The following DNAAF11 variants were observed in gnomAD, a reference collection of about 807,000 sequenced individuals.
DNAAF11 encodes leucine rich repeat containing 6.
Under a neutral mutation model 60.8 loss-of-function variants are expected in DNAAF11, and 45 were observed. The ratio of observed to expected loss-of-function variants is 0.74; its 90% CI spans 0.58 to 0.95. The LOEUF is 0.95. Among genes scored for constraint, DNAAF11 ranks in the 40% least tolerant of loss-of-function variants. The probability of loss-of-function intolerance (pLI) is 0.00; values close to 1 mark genes in which losing one functional copy is unlikely to be tolerated. For missense variants in DNAAF11, 546 were observed against 546.2 expected, an observed-to-expected ratio of 1.00 and a Z score of 0.00; for synonymous variants, 191 against 183.5, an observed-to-expected ratio of 1.04 and a Z score of -0.33.
intron 5 of DNAAF11, among the ~76,000 whole-genome samples, chr8:132,627,390 G>A (rs1481258968): frequency 6.6e-6 from 1 of 152,160 alleles, no homozygotes. Flanking sequence ...ACTGGTTGAT[G>A]AAACAGAGTG....
chr8:132,687,427 T>C, the DNAAF11 span: 1 of 336,136 alleles, frequency 3.0e-6, no homozygotes, highest in African/African-American at 2.2e-5. Context: ...GAAGTCATAA[T>C]TATCCTGCTC....
At chr8:132,628,411 CAA>C (rs879518179) in intron 5 of DNAAF11, among the ~76,000 whole-genome samples, 2 of 141,350 alleles carry the variant, frequency 1.4e-5, no homozygotes, top group Non-Finnish European at 3.1e-5. Context: ...GACTCCATCT[CAA>C]AAAAAAAAAA....
upstream of DNAAF11, among the ~76,000 whole-genome samples, chr8:132,675,927 C>A (rs982332495): frequency 5.3e-5 from 8 of 152,228 alleles, no homozygotes; most frequent in Admixed American, 3.9e-4. Context: ...TGGCCCCCAA[C>A]TCTACCAGCG....
the DNAAF11 span, among the ~76,000 whole-genome samples, chr8:132,685,505 T>G: frequency 7.2e-5 from 11 of 152,226 alleles, no homozygotes; most frequent in African/African-American, 2.4e-4. Flanking sequence ...GTCGTCTTCT[T>G]TGATTTGAGT....
In DNAAF11 at chr8:132,611,381, G is replaced by C. The variant is rs1490613107; in HGVS notation, c.975-18C>G. 1 of 1,460,860 alleles carries C rather than the reference G, an allele frequency of 6.8e-7. No homozygotes were observed. 90.5% of individuals were successfully genotyped at this position (1,460,860 alleles called of 1,614,324 possible). On this transcript the variant is annotated intron_variant, in intron 8 of 11. Coordinates refer to ENST00000620350, the MANE Select transcript of DNAAF11 (RefSeq NM_012472.6). ...CCATATACCTTCAAAATTAAACACA[G>C]AAAATCTTATAATTTTAAAAAATAT...
Position 132,668,597 on chromosome 8 carries a change from C to T in DNAAF11, c.10+6887G>A, listed in dbSNP as rs571920005. On this transcript the variant is annotated intron_variant, in intron 1 of 11. Transcript: ENST00000620350. ...GGGACTACAGGCACCTGCCACCACG[C>T]CTGGCTAATTTTTTTTTTGTATTTT... Among the ~76,000 whole-genome samples the T allele has an allele frequency of 6.6e-5, 10 of 152,194 alleles. No individual in the cohort carries two copies. In the South Asian group the frequency reaches 1.7e-3, roughly 25 times the overall value.
chr8:132,657,911 C>G (rs558221278), intron 2 of DNAAF11, among the ~76,000 whole-genome samples: 14 of 152,274 alleles, frequency 9.2e-5, no homozygotes, highest in African/African-American at 3.4e-4. Flanking sequence ...ACTCCAGAAC[C>G]TGGAACTAAA....
chr8:132,658,467 C>T lies in DNAAF11; in HGVS notation c.179-1560G>A, dbSNP rs1420277520. ...CCTCCTGAGTAGCTGGGACTACAGG[C>T]GCCCGCCACCACGCCTGGCTAATTT... On this transcript the variant is annotated intron_variant, in intron 2 of 11. Coordinates refer to ENST00000620350, the MANE Select transcript of DNAAF11 (RefSeq NM_012472.6). Among the ~76,000 whole-genome samples the T allele has an allele frequency of 3.9e-5, 6 of 152,142 alleles. No individual in the cohort carries two copies. In the East Asian group the frequency reaches 1.2e-3, roughly 30 times the overall value.
At chr8:132,620,502 T>C (rs1819647764) in intron 7 of DNAAF11, among the ~76,000 whole-genome samples, 1 of 152,062 alleles carries the variant, frequency 6.6e-6, no homozygotes, top group Non-Finnish European at 1.5e-5. Flanking sequence ...TCCTGGCTAA[T>C]TTTTGTATTT....
At chr8:132,653,901 T>C (rs1823274910) in intron 3 of DNAAF11, among the ~76,000 whole-genome samples, 1 of 152,058 alleles carries the variant, frequency 6.6e-6, no homozygotes, top group Non-Finnish European at 1.5e-5. Flanking sequence ...CAGACACAAA[T>C]TCTGCCTTAT....
the DNAAF11 span, among the ~76,000 whole-genome samples, chr8:132,684,760 G>T: frequency 1.4e-4 from 21 of 152,346 alleles, no homozygotes; most frequent in Admixed American, 9.1e-4. Context: ...ATTCATGTGA[G>T]CTCCCCAGTA....
intron 5 of DNAAF11, among the ~76,000 whole-genome samples, chr8:132,630,661 G>C (rs986637204): frequency 6.4e-4 from 97 of 152,020 alleles, no homozygotes; most frequent in African/African-American, 2.2e-3. Context: ...TTTGTATCCA[G>C]AATCTAAAAG....
At chr8:132,673,070 G>A (rs1048138750) in intron 1 of DNAAF11, among the ~76,000 whole-genome samples, 10 of 152,158 alleles carry the variant, frequency 6.6e-5, no homozygotes, top group African/African-American at 1.7e-4. Context: ...AAGCACGGGG[G>A]AGAGAGAACA....
chr8:132,676,774 G>A (rs1457608306), upstream of DNAAF11, among the ~76,000 whole-genome samples: 2 of 152,108 alleles, frequency 1.3e-5, no homozygotes, highest in Non-Finnish European at 2.9e-5. Context: ...CAGTAAGAAT[G>A]AGAGATTAGA....
At chr8:132,636,267 A>G (rs1321488491) in intron 4 of DNAAF11, among the ~76,000 whole-genome samples, 2 of 152,144 alleles carry the variant, frequency 1.3e-5, no homozygotes, top group African/African-American at 4.8e-5. Flanking sequence ...AATTTGGAGA[A>G]GTCTTTCTGA....
intron 6 of DNAAF11, chr8:132,622,900 A>G (rs981119329): frequency 2.6e-5 from 13 of 505,846 alleles, no homozygotes; most frequent in Admixed American, 1.4e-4. Context: ...ATATGGTTGT[A>G]TCTGTATCTG....
chr8:132,626,350 C>T (rs554813024), intron 5 of DNAAF11, among the ~76,000 whole-genome samples: 4 of 152,246 alleles, frequency 2.6e-5, no homozygotes, highest in South Asian at 2.1e-4. Flanking sequence ...CGCACCCAGC[C>T]GGCACTTTTT....
intron 10 of DNAAF11, among the ~76,000 whole-genome samples, chr8:132,604,277 C>G (rs1233394339): frequency 6.6e-6 from 1 of 152,110 alleles, no homozygotes; most frequent in Non-Finnish European, 1.5e-5. Flanking sequence ...ATGTGTGCAA[C>G]TAATAAGGAG....
At chr8:132,690,379 G>A in the DNAAF11 span, among the ~76,000 whole-genome samples, 11 of 152,094 alleles carry the variant, frequency 7.2e-5, no homozygotes, top group African/African-American at 1.9e-4. Context: ...CTCTCCTGCT[G>A]CCTTGTGAAG....
Sources: gnomAD v4.1 joint callset for allele counts (sites outside exome capture counted in the v4.1 genomes callset) on GRCh38, gnomAD v4.1.1 for gene constraint, MANE v1.5 for transcripts, NCBI Gene and HGNC (gene_info 2026-07-23, HGNC 2026-07-21) for gene names.